The following ADAM20 variants were observed in gnomAD, a reference collection of about 807,000 sequenced individuals.
ADAM20 encodes disintegrin and metalloproteinase domain-containing protein 20.
For missense variants in ADAM20, 871 were observed against 883.2 expected (o/e 0.99, Z 0.18); for synonymous variants, 305 against 310.2 (o/e 0.98, Z 0.18).
upstream of ADAM20, among the ~76,000 whole-genome samples, chr14:70,539,292 G>C (rs748984464): frequency 1.3e-5 from 2 of 152,188 alleles, no homozygotes; most frequent in Non-Finnish European, 2.9e-5. Flanking sequence ...AGCCAACAAC[G>C]CGTGATGTGC....
intron 1 of ADAM20, among the ~76,000 whole-genome samples, chr14:70,526,087 A>AT (rs1194453382): frequency 6.6e-6 from 1 of 152,218 alleles, no homozygotes; most frequent in Non-Finnish European, 1.5e-5. Context: ...GAAGACCACA[A>AT]TTTGAGTAGA....
the ADAM20 span, among the ~76,000 whole-genome samples, chr14:70,568,955 C>T: frequency 1.2e-3 from 178 of 152,096 alleles, 2 homozygotes; most frequent in African/African-American, 4.1e-3. Context: ...ACTGAGAGTA[C>T]ACCTGAGAGA....
At chr14:70,573,790 A>G in the ADAM20 span, among the ~76,000 whole-genome samples, 1 of 152,234 alleles carries the variant, frequency 6.6e-6, no homozygotes, top group Non-Finnish European at 1.5e-5. Flanking sequence ...AAGACACAAA[A>G]AAGATCATTG....
At chr14:70,564,888 AT>A in the ADAM20 span, among the ~76,000 whole-genome samples, 7 of 149,450 alleles carry the variant, frequency 4.7e-5, no homozygotes, top group Non-Finnish European at 5.9e-5. Context: ...GTATAAAAAA[AT>A]TTTTTTTTGA....
At chr14:70,562,425 T>G in the ADAM20 span, among the ~76,000 whole-genome samples, 1 of 152,218 alleles carries the variant, frequency 6.6e-6, no homozygotes, top group East Asian at 1.9e-4. Context: ...TGTGGACTTT[T>G]GAGTTAATGC....
In ADAM20 at chr14:70,524,698, C is replaced by G. The variant is rs202217158; in HGVS notation, c.60G>C (p.Gly20=). ...IRVTLLLLWF[G]MFLSISGHSQ... ...AGTGGCCAGAAATAGACAAAAACAT[C>G]CCAAACCAGAGCAGCAGAAGAGTGA... The change falls in exon 2 of 2, where the codon GGG becomes GGC. Residue 20 remains glycine, a synonymous_variant. Transcript: ENST00000256389. 1.6e-4 allele frequency: 256 copies of G among 1,613,844 alleles called. No individual in the cohort carries two copies. The highest frequency in any genetic ancestry group is 1.9e-4 in the Non-Finnish European group (230 of 1,179,948).
the ADAM20 span, among the ~76,000 whole-genome samples, chr14:70,557,768 A>AT: frequency 3.3e-5 from 5 of 150,050 alleles, no homozygotes; most frequent in South Asian, 6.4e-4. Context: ...TTTTTTTGCA[A>AT]TTTTTTTAGC....
chr14:70,534,082 CAAAAAA>C (rs59828723), intron 1 of ADAM20, among the ~76,000 whole-genome samples: 5,964 of 53,720 alleles, frequency 0.11, 291 homozygotes, highest in East Asian at 0.45. Context: ...GACCCTGTCT[CAAAAAA>C]AAAAAAAAAA....
At chr14:70,572,078 C>A in the ADAM20 span, among the ~76,000 whole-genome samples, 1 of 152,168 alleles carries the variant, frequency 6.6e-6, no homozygotes, top group Non-Finnish European at 1.5e-5. Context: ...AGATTCAACA[C>A]AATTCCTATG....
the ADAM20 span, among the ~76,000 whole-genome samples, chr14:70,578,445 T>G: frequency 6.6e-6 from 1 of 152,048 alleles, no homozygotes; most frequent in South Asian, 2.1e-4. Context: ...GAAGAACTTA[T>G]GACTAAGACC....
At chr14:70,566,913 C>T in the ADAM20 span, among the ~76,000 whole-genome samples, 5 of 151,966 alleles carry the variant, frequency 3.3e-5, no homozygotes, top group Non-Finnish European at 5.9e-5. Flanking sequence ...ACCCAGGAGG[C>T]GGAGGTTGCA....
At chr14:70,563,461 A>T in the ADAM20 span, among the ~76,000 whole-genome samples, 2 of 152,182 alleles carry the variant, frequency 1.3e-5, no homozygotes, top group African/African-American at 4.8e-5. Context: ...TAATCCAGTT[A>T]AAAAACTGTG....
At chr14:70,536,465 C>CAAAAAAAA (rs56738784), upstream of ADAM20, among the ~76,000 whole-genome samples, 228 of 43,100 alleles carry the variant, frequency 5.3e-3, 13 homozygotes, top group East Asian at 8.3e-3. Flanking sequence ...AACTCTGTCT[C>CAAAAAAAA]AAAAAAAAAA....
At chr14:70,547,470 G>A in the ADAM20 span, 3 of 138,600 alleles carry the variant, frequency 2.2e-5, no homozygotes, top group Non-Finnish European at 4.7e-5. Flanking sequence ...GCCGAAGCAG[G>A]GCGAGGCATT....
chr14:70,538,331 C>T (rs149784845), upstream of ADAM20, among the ~76,000 whole-genome samples: 12 of 152,274 alleles, frequency 7.9e-5, no homozygotes, highest in Admixed American at 4.6e-4. Context: ...GGATCTTTCC[C>T]GGAAAATCCC....
chr14:70,564,883 A>C, the ADAM20 span, among the ~76,000 whole-genome samples: 1 of 150,700 alleles, frequency 6.6e-6, no homozygotes. Context: ...CCCTTGTATA[A>C]AAAAATTTTT....
the ADAM20 span, chr14:70,556,359 G>C: frequency 6.6e-6 from 1 of 152,454 alleles, no homozygotes; most frequent in East Asian, 1.9e-4. Flanking sequence ...GTGTTCACCT[G>C]CACGGAGCAG....
intron 1 of ADAM20, among the ~76,000 whole-genome samples, chr14:70,534,107 AACAC>A (rs1197757697): frequency 2.1e-4 from 27 of 128,050 alleles, no homozygotes; most frequent in African/African-American, 4.8e-4. Flanking sequence ...AAAAAAAAAA[AACAC>A]ACACACACAC....
rs764143143 is a variant in ADAM20, at chr14:70,524,541, T to C, written c.217A>G (p.Ile73Val). ...YSLRFGGQRY[I>V]VHMRVNKLLF... is the part of the protein sequence containing the mutation. ...AGCTTATTTACCCTCATGTGGACAA[T>C]GTATCTCTGTCCCCCAAACCGCAGG... The change falls in exon 2 of 2, where the codon ATT becomes GTT. Residue 73 changes from isoleucine (I) to valine (V), a missense_variant. Physicochemically the swap from Ile to Val is conservative, Grantham distance 29 (BLOSUM62 3). Transcript: ENST00000256389. 5.0e-6 allele frequency: 8 copies of C among 1,613,828 alleles called. No homozygotes were observed. Among genetic ancestry groups the C allele is most frequent in the Admixed American group, 3.3e-5 (2 of 59,954 alleles).
Sources: allele counts gnomAD v4.1 joint callset (sites outside exome capture counted in the v4.1 genomes callset), GRCh38; gene constraint gnomAD v4.1.1; transcripts MANE v1.5; gene names NCBI Gene and HGNC (gene_info 2026-07-23, HGNC 2026-07-21).